The following OPCML variants were observed in gnomAD, a reference collection of about 807,000 sequenced individuals.
OPCML encodes opioid binding protein/cell adhesion molecule like.
A neutral mutation model predicts 37.8 loss-of-function variants in OPCML; 13 were observed. That is an observed-to-expected ratio of 0.34 (90% CI 0.22 to 0.55). The LOEUF (loss-of-function observed/expected upper bound fraction) is 0.55. OPCML is among the 20% of genes least tolerant of loss of function. OPCML has a pLI of 0.91. For synonymous variants in OPCML, 176 were observed against 168.8 expected (o/e 1.04, Z -0.33); for missense variants, 341 against 435.6 (o/e 0.78, Z 1.93).
intron 1 of OPCML, among the ~76,000 whole-genome samples, chr11:133,149,093 C>T (rs1416567084): frequency 6.6e-6 from 1 of 152,194 alleles, no homozygotes; most frequent in Non-Finnish European, 1.5e-5. Context: ...AAGCAACAGA[C>T]CCAGACAGCC....
intron 1 of OPCML, among the ~76,000 whole-genome samples, chr11:133,234,996 C>T (rs915871451): frequency 6.6e-5 from 10 of 152,100 alleles, no homozygotes; most frequent in African/African-American, 1.7e-4. Context: ...GTATTAACTG[C>T]GGCTGCAGAC....
intron 2 of OPCML, among the ~76,000 whole-genome samples, chr11:132,820,105 A>G (rs531947336): frequency 1.5e-4 from 23 of 151,956 alleles, no homozygotes; most frequent in South Asian, 1.0e-3. Flanking sequence ...GAATGAATGA[A>G]AGAAACCAGA....
At chr11:133,406,774 T>C (rs1010896217) in intron 1 of OPCML, among the ~76,000 whole-genome samples, 1 of 152,246 alleles carries the variant, frequency 6.6e-6, no homozygotes, top group African/African-American at 2.4e-5. Flanking sequence ...GGACTGGCAC[T>C]ATCTTTGTGA....
chr11:133,296,845 T>C (rs1645287271), intron 1 of OPCML, among the ~76,000 whole-genome samples: 1 of 152,186 alleles, frequency 6.6e-6, no homozygotes, highest in East Asian at 1.9e-4. Flanking sequence ...TTTTAGTAAA[T>C]AGGTTAACAT....
At chr11:132,689,630 G>A (rs1943319740) in intron 2 of OPCML, among the ~76,000 whole-genome samples, 1 of 152,224 alleles carries the variant, frequency 6.6e-6, no homozygotes, top group Non-Finnish European at 1.5e-5. Context: ...TAGAGACGAG[G>A]TGTCATGAGG....
chr11:132,830,157 CT>C (rs2136275863), intron 2 of OPCML, among the ~76,000 whole-genome samples: 1 of 152,222 alleles, frequency 6.6e-6, no homozygotes, highest in South Asian at 2.1e-4. Context: ...TGTACTGCTC[CT>C]TTATATTCAT....
intron 4 of OPCML, among the ~76,000 whole-genome samples, chr11:132,480,015 C>T (rs982889452): frequency 9.9e-5 from 15 of 152,140 alleles, no homozygotes; most frequent in Admixed American, 2.0e-4. Flanking sequence ...CAAAGCTGGA[C>T]GGAGAATGAC....
chr11:132,962,309 C>T (rs976942410), intron 1 of OPCML, among the ~76,000 whole-genome samples: 26 of 152,196 alleles, frequency 1.7e-4, no homozygotes, highest in African/African-American at 3.4e-4. Context: ...AATCCCGGCC[C>T]GGGCTCTCTC....
At chr11:133,183,610 T>C (rs1937939429) in intron 1 of OPCML, among the ~76,000 whole-genome samples, 1 of 152,190 alleles carries the variant, frequency 6.6e-6, no homozygotes, top group Admixed American at 6.5e-5. Flanking sequence ...GAAAAAATGC[T>C]ACCTAAATTT....
intron 3 of OPCML, among the ~76,000 whole-genome samples, chr11:132,615,240 C>T (rs910119483): frequency 7.9e-5 from 12 of 152,056 alleles, no homozygotes; most frequent in Non-Finnish European, 1.3e-4. Flanking sequence ...TTGTGGTCTC[C>T]GAGTGAATTA....
At chr11:133,390,436 C>T (rs1358750973) in intron 1 of OPCML, among the ~76,000 whole-genome samples, 1 of 152,020 alleles carries the variant, frequency 6.6e-6, no homozygotes, top group African/African-American at 2.4e-5. Flanking sequence ...GCACTCCAGC[C>T]CGGGTGACAG....
intron 1 of OPCML, among the ~76,000 whole-genome samples, chr11:133,444,734 ATGATAT>A (rs1293021365): frequency 1.3e-5 from 2 of 152,224 alleles, no homozygotes; most frequent in Admixed American, 1.3e-4. Context: ...ACATTTCATC[ATGATAT>A]TGAAAAACCA....
intron 1 of OPCML, among the ~76,000 whole-genome samples, chr11:133,243,399 T>C (rs1940802990): frequency 6.6e-6 from 1 of 152,144 alleles, no homozygotes; most frequent in Non-Finnish European, 1.5e-5. Flanking sequence ...TTTGTTGCAA[T>C]AACCAGCCAC....
intron 4 of OPCML, among the ~76,000 whole-genome samples, chr11:132,465,544 C>T (rs115691291): frequency 0.06 from 9,142 of 151,512 alleles, 820 homozygotes; most frequent in African/African-American, 0.19. Flanking sequence ...CTTTTTTTTA[C>T]ATTTTCTTAT....
chr11:133,050,892 G>T (rs1388871396), intron 1 of OPCML, among the ~76,000 whole-genome samples: 1 of 152,026 alleles, frequency 6.6e-6, no homozygotes, highest in Non-Finnish European at 1.5e-5. Flanking sequence ...TTCTTTTCGT[G>T]ACAGTAATTC....
intron 1 of OPCML, among the ~76,000 whole-genome samples, chr11:133,463,457 C>T (rs1328986982): frequency 6.6e-6 from 1 of 152,080 alleles, no homozygotes; most frequent in African/African-American, 2.4e-5. Context: ...ACAATAACAA[C>T]ATTATTTTAA....
chr11:132,746,460 C>T (rs564761220), intron 2 of OPCML, among the ~76,000 whole-genome samples: 15 of 152,160 alleles, frequency 9.9e-5, no homozygotes, highest in Non-Finnish European at 1.8e-4. Context: ...CTCCTCCCCC[C>T]ACCTCTGTGT....
chr11:132,862,984 G>C (rs543415256), intron 2 of OPCML, among the ~76,000 whole-genome samples: 3 of 152,180 alleles, frequency 2.0e-5, no homozygotes, highest in Non-Finnish European at 4.4e-5. Context: ...TTTGCTTTAA[G>C]GAAACTACTC....
intron 1 of OPCML, among the ~76,000 whole-genome samples, chr11:133,031,953 A>G (rs1947682579): frequency 6.6e-6 from 1 of 152,204 alleles, no homozygotes; most frequent in Admixed American, 6.5e-5. Flanking sequence ...TTTTTTCTGT[A>G]CATTAACTCA....
Sources: allele counts gnomAD v4.1 joint callset (sites outside exome capture counted in the v4.1 genomes callset), GRCh38; gene constraint gnomAD v4.1.1; transcripts MANE v1.5; gene names NCBI Gene and HGNC (gene_info 2026-07-23, HGNC 2026-07-21).